The following PDE4B variants were observed in gnomAD, a reference collection of about 807,000 sequenced individuals.
The protein encoded by PDE4B is 3',5'-cyclic-AMP phosphodiesterase 4B.
In PDE4B, 20 loss-of-function variants were observed where a neutral mutation model predicts 82.2. The ratio of observed to expected loss-of-function variants is 0.24; its 90% CI spans 0.17 to 0.35. PDE4B has a LOEUF of 0.35. Ranked by LOEUF, PDE4B falls within the 10% of genes least tolerant of loss-of-function variation. The probability of loss-of-function intolerance (pLI) is 1.00; values close to 1 mark genes in which losing one functional copy is unlikely to be tolerated. For synonymous variants in PDE4B, 320 were observed against 318.9 expected (o/e 1.00, Z -0.04); for missense variants, 655 against 907.2 (o/e 0.72, Z 3.57).
intron 1 of PDE4B, among the ~76,000 whole-genome samples, chr1:65,841,347 G>A (rs1421157190): frequency 2.7e-5 from 4 of 150,636 alleles, no homozygotes; most frequent in Non-Finnish European, 5.9e-5. Context: ...GAAAGAAAAG[G>A]AAGAAAGAAA....
intron 7 of PDE4B, among the ~76,000 whole-genome samples, chr1:66,309,059 A>C (rs963506486): frequency 9.9e-5 from 15 of 152,112 alleles, no homozygotes; most frequent in Non-Finnish European, 1.2e-4. Context: ...AACAAACAAA[A>C]AATCCTGTGT....
chr1:65,833,008 A>C (rs1646100214), intron 1 of PDE4B, among the ~76,000 whole-genome samples: 1 of 152,228 alleles, frequency 6.6e-6, no homozygotes, highest in African/African-American at 2.4e-5. Flanking sequence ...GATGAATGAA[A>C]GTGAGCAAAG....
intron 3 of PDE4B, among the ~76,000 whole-genome samples, chr1:65,927,786 G>T (rs1483010668): frequency 6.6e-6 from 1 of 151,984 alleles, no homozygotes; most frequent in Non-Finnish European, 1.5e-5. Context: ...CTTCCATTTG[G>T]CCTTTCTCAC....
At chr1:66,023,956 GAAA>G (rs781760203) in intron 3 of PDE4B, among the ~76,000 whole-genome samples, 1 of 151,296 alleles carries the variant, frequency 6.6e-6, no homozygotes, top group Non-Finnish European at 1.5e-5. Flanking sequence ...GAAAGAAAAA[GAAA>G]AAAAATACTA....
intron 3 of PDE4B, among the ~76,000 whole-genome samples, chr1:66,088,584 T>C (rs1644947961): frequency 6.6e-6 from 1 of 152,170 alleles, no homozygotes; most frequent in Non-Finnish European, 1.5e-5. Context: ...ATCTACCCTA[T>C]GCTATACTTG....
chr1:65,816,747 A>G (rs1570967347), intron 1 of PDE4B, among the ~76,000 whole-genome samples: 1 of 152,332 alleles, frequency 6.6e-6, no homozygotes, highest in South Asian at 2.1e-4. Flanking sequence ...GAAAATTAAT[A>G]TGATACAGTA....
intron 7 of PDE4B, among the ~76,000 whole-genome samples, chr1:66,293,549 C>T (rs932283473): frequency 7.2e-5 from 11 of 152,118 alleles, no homozygotes; most frequent in African/African-American, 2.2e-4. Flanking sequence ...ATTCATCCTC[C>T]GTGTCTGCAA....
intron 3 of PDE4B, among the ~76,000 whole-genome samples, chr1:66,021,497 G>C (rs866653776): frequency 3.3e-5 from 5 of 152,150 alleles, no homozygotes; most frequent in Admixed American, 3.3e-4. Context: ...TTTTGTATAA[G>C]ATATAAGGAA....
At chr1:65,807,287 C>T (rs201326414) in intron 1 of PDE4B, among the ~76,000 whole-genome samples, 5 of 152,250 alleles carry the variant, frequency 3.3e-5, no homozygotes, top group South Asian at 2.1e-4. Flanking sequence ...TTATACACAT[C>T]GTTCTATAAC....
intron 7 of PDE4B, among the ~76,000 whole-genome samples, chr1:66,311,442 C>T (rs1341607883): frequency 6.6e-6 from 1 of 152,268 alleles, no homozygotes; most frequent in African/African-American, 2.4e-5. Context: ...AGCCACTTTG[C>T]AGTGACTCCA....
chr1:65,809,210 A>C (rs1645790906), intron 1 of PDE4B, among the ~76,000 whole-genome samples: 1 of 151,882 alleles, frequency 6.6e-6, no homozygotes, highest in Admixed American at 6.6e-5. Flanking sequence ...ACGGGCCTGT[A>C]ATCCCAGCTA....
chr1:66,210,614 A>AAAAAAAAAAAAAAAG (rs1649960213), intron 3 of PDE4B, among the ~76,000 whole-genome samples: 1 of 148,950 alleles, frequency 6.7e-6, no homozygotes, highest in African/African-American at 2.5e-5. Context: ...AAAAAAAAAA[A>AAAAAAAAAAAAAAAG]AAAAAGAAAA....
chr1:66,041,817 C>CACACACACAT (rs1178972023), intron 3 of PDE4B, among the ~76,000 whole-genome samples: 8 of 82,226 alleles, frequency 9.7e-5, no homozygotes, highest in African/African-American at 3.6e-4. Flanking sequence ...CACACACACA[C>CACACACACAT]ACACACACAC....
At chr1:65,959,446 T>A (rs1649435613) in intron 3 of PDE4B, among the ~76,000 whole-genome samples, 1 of 152,106 alleles carries the variant, frequency 6.6e-6, no homozygotes, top group Non-Finnish European at 1.5e-5. Flanking sequence ...GAGCTTCCTG[T>A]CGGATATGAG....
chr1:66,001,773 A>G (rs1213671177), intron 3 of PDE4B, among the ~76,000 whole-genome samples: 4 of 151,994 alleles, frequency 2.6e-5, no homozygotes, highest in Non-Finnish European at 5.9e-5. Context: ...CCCAGGCTGG[A>G]GTGCAGTGGC....
chr1:66,311,809 C>G (rs1374082338), intron 7 of PDE4B, among the ~76,000 whole-genome samples: 1 of 152,192 alleles, frequency 6.6e-6, no homozygotes, highest in Admixed American at 6.5e-5. Flanking sequence ...GGTACAGTGG[C>G]AGAGAGTGGA....
At chr1:66,140,496 T>G (rs745574644) in intron 3 of PDE4B, among the ~76,000 whole-genome samples, 8 of 152,210 alleles carry the variant, frequency 5.3e-5, no homozygotes, top group Non-Finnish European at 1.0e-4. Context: ...TTGCAGAATG[T>G]GTTAAATGTC....
At chr1:66,169,796 A>G (rs1646804469) in intron 3 of PDE4B, among the ~76,000 whole-genome samples, 1 of 152,208 alleles carries the variant, frequency 6.6e-6, no homozygotes. Flanking sequence ...TATTTCTGCA[A>G]TTTGGGAAAC....
Position 65,928,423 on chromosome 1 carries a change from G to T in PDE4B, c.281+9588G>T, listed in dbSNP as rs545354017. 8.3e-4 allele frequency among the ~76,000 whole-genome samples: 126 copies of T among 152,274 alleles called. 1 individual carries two copies. Among genetic ancestry groups the T allele is most frequent in the African/African-American group, 2.9e-3 (121 of 41,564 alleles). ...CAATGCCATAACTCTACACGAGTCAGACCATTCTGATTGCCACTTTGCCTC... is the reference window on the plus strand; with the variant it reads ...CAATGCCATAACTCTACACGAGTCATACCATTCTGATTGCCACTTTGCCTC... On this transcript the variant is annotated intron_variant, in intron 3 of 16. Transcript: ENST00000341517.
Sources: allele counts gnomAD v4.1 joint callset (sites outside exome capture counted in the v4.1 genomes callset), GRCh38; gene constraint gnomAD v4.1.1; transcripts MANE v1.5; gene names NCBI Gene and HGNC (gene_info 2026-07-23, HGNC 2026-07-21).